ARPC4: variants seen among roughly 807,000 people sequenced by gnomAD.
ARPC4 encodes actin related protein 2/3 complex subunit 4, also known as actin-related protein 2/3 complex subunit 4.
A neutral mutation model predicts 22.8 loss-of-function variants in ARPC4; 3 were observed. That is an observed-to-expected ratio of 0.13 (90% CI 0.06 to 0.34). ARPC4 has a LOEUF of 0.34. ARPC4 is among the 10% of genes least tolerant of loss of function. ARPC4 has a pLI of 1.00. For missense variants in ARPC4, 98 were observed against 211.0 expected, an observed-to-expected ratio of 0.46 and a Z score of 3.32; for synonymous variants, 80 against 72.5, an observed-to-expected ratio of 1.10 and a Z score of -0.52.
intron 5 of ARPC4, among the ~76,000 whole-genome samples, chr3:9,804,372 C>T (rs1159471348): frequency 6.6e-6 from 1 of 152,156 alleles, no homozygotes; most frequent in Admixed American, 6.5e-5. Flanking sequence ...GAGTATAGGA[C>T]AATTAATCAT....
At chr3:9,792,959 G>A (rs1481886139), upstream of ARPC4, 13 of 1,410,112 alleles carry the variant, frequency 9.2e-6, no homozygotes, top group Middle Eastern at 6.3e-4. Context: ...GAAAACTTCC[G>A]GAAGGCCCAA....
chr3:9,801,242 T>C lies in ARPC4; in HGVS notation c.235-419T>C, dbSNP rs117524372. The stretch of plus-strand genomic sequence containing the variant: ...AAAAAAAAAAAAAAAAAAAAAGAAA[T>C]GTTGAGCATTCAGAAGGGAGAAACT... On this transcript the variant is annotated intron_variant, in intron 3 of 5. Transcript: ENST00000397261. 2.0e-3 allele frequency among the ~76,000 whole-genome samples: 165 copies of C among 80,926 alleles called. No homozygotes were observed. In the East Asian group the frequency reaches 0.037, roughly 18 times the overall value. The allele number at this position is 80,926 out of a possible 152,430, so 53.1% of individuals were successfully genotyped here. A position where few individuals can be genotyped will look rare whatever the true frequency, so the allele number is the denominator to read the frequency against.
chr3:9,796,730 A>T (rs554898716), intron 1 of ARPC4, among the ~76,000 whole-genome samples: 252 of 152,258 alleles, frequency 1.7e-3, no homozygotes, highest in African/African-American at 5.8e-3. Flanking sequence ...TTACAAGGTC[A>T]GGAGATTGAG....
rs894133943 is a variant in ARPC4 at position 9,806,978 on chromosome 3, T to C, written c.*763T>C. ...GCGAGGTGAGTCCTCCAGAGCTTCC[T>C]GGCCGGGCCCTCCTCCTGCCTGTTC... On this transcript the variant is annotated 3_prime_UTR_variant, in exon 6 of 6. Coordinates refer to ENST00000397261, the MANE Select transcript of ARPC4 (RefSeq NM_005718.5). 3.3e-5 allele frequency: 5 copies of C among 152,662 alleles called. No homozygotes were observed. The highest frequency in any genetic ancestry group is 1.2e-4 in the African/African-American group (5 of 41,482). 9.5% of individuals were successfully genotyped at this position (152,662 alleles called of 1,614,324 possible).
At position 9,797,662 on chromosome 3, in the gene ARPC4, G is replaced by A. The variant is rs779915246; in HGVS notation, c.7G>A (p.Ala3Thr). 8 of 1,613,550 alleles carry A rather than the reference G, an allele frequency of 5.0e-6. No individual in the cohort carries two copies. Among genetic ancestry groups the A allele is most frequent in the Non-Finnish European group, 5.9e-6 (7 of 1,179,636 alleles). Residue 3 changes from alanine (A) to threonine (T), a missense_variant, in exon 2 of 6, where the codon GCC (alanine) becomes ACC (threonine). Ala to Thr is a moderately conservative substitution (Grantham distance 58, BLOSUM62 0). Transcript: ENST00000397261. Reference sequence around the variant, plus strand: ...TCCTCTGTGTTATTTCCTATAGACTGCCACTCTCCGCCCCTACCTGAGTGC... The same window carrying A: ...TCCTCTGTGTTATTTCCTATAGACTACCACTCTCCGCCCCTACCTGAGTGC... MT[A>T]TLRPYLSAVR... is the part of the protein sequence containing the mutation.
chr3:9,800,573 C>T lies in ARPC4; in HGVS notation c.234+277C>T, dbSNP rs139315080. 1.6e-3 allele frequency among the ~76,000 whole-genome samples: 243 copies of T among 152,178 alleles called. 1 individual carries two copies. The highest frequency in any genetic ancestry group is 5.2e-3 in the African/African-American group (217 of 41,534). ...CCAAGTAGCTGGGATTACAGGCATC[C>T]GCCACCACGCCCAGTTAATTTTTGT... is the stretch of plus-strand genomic sequence containing the variant. On this transcript the variant is annotated intron_variant, in intron 3 of 5. Coordinates refer to ENST00000397261, the MANE Select transcript of ARPC4 (RefSeq NM_005718.5).
chr3:9,803,594 C>G, intron 4 of ARPC4: 2 of 640,722 alleles, frequency 3.1e-6, no homozygotes, highest in Non-Finnish European at 5.8e-6. Context: ...AGCTGTTGTG[C>G]CACAGATAGT....
intron 5 of ARPC4, among the ~76,000 whole-genome samples, chr3:9,805,356 G>A (rs1038700635): frequency 6.6e-6 from 1 of 152,228 alleles, no homozygotes. Context: ...CAGCCAGTAA[G>A]AGGAGGAACC....
intron 5 of ARPC4, 158 bp downstream of exon 5, chr3:9,804,171 A>T: frequency 1.4e-6 from 1 of 722,714 alleles, no homozygotes; most frequent in Non-Finnish European, 2.2e-6. Flanking sequence ...GGTGCTTTGG[A>T]GCTAGAGGAC....
upstream of ARPC4, chr3:9,792,588 T>C (rs970893627): frequency 3.4e-5 from 42 of 1,227,024 alleles, no homozygotes; most frequent in African/African-American, 5.4e-4. Flanking sequence ...CCGCTAGAGG[T>C]GGGGTGCGGG....
upstream of ARPC4, chr3:9,793,054 C>G (rs982114575): frequency 1.6e-4 from 249 of 1,544,356 alleles, no homozygotes; most frequent in Non-Finnish European, 2.0e-4. Context: ...GCGCTTCTCG[C>G]GAAAGGGCAG....
At chr3:9,796,753 A>G (rs1298179857) in intron 1 of ARPC4, among the ~76,000 whole-genome samples, 1 of 151,998 alleles carries the variant, frequency 6.6e-6, no homozygotes, top group East Asian at 1.9e-4. Flanking sequence ...CATCCTGGCT[A>G]ACACCGTGAA....
upstream of ARPC4, chr3:9,792,863 A>G: frequency 7.3e-7 from 1 of 1,376,042 alleles, no homozygotes; most frequent in South Asian, 1.7e-5. Context: ...GGCCGAAGGC[A>G]CAAAGGGAAG....
chr3:9,798,884 A>G (rs1290453352), intron 2 of ARPC4, among the ~76,000 whole-genome samples: 1 of 55,124 alleles, frequency 1.8e-5, no homozygotes, highest in Admixed American at 1.6e-4. Flanking sequence ...AAAATAAAAT[A>G]AAATAAAATA....
intron 5 of ARPC4, among the ~76,000 whole-genome samples, chr3:9,804,687 T>C (rs375696971): frequency 1.3e-5 from 2 of 152,310 alleles, no homozygotes; most frequent in African/African-American, 4.8e-5. Context: ...GTGGCTGTGA[T>C]CTCTAGACGG....
chr3:9,804,174 T>C, intron 5 of ARPC4, 161 bp downstream of exon 5: 3 of 688,238 alleles, frequency 4.4e-6, no homozygotes, highest in Non-Finnish European at 6.9e-6. Context: ...GCTTTGGAGC[T>C]AGAGGACCCC....
intron 1 of ARPC4, 28 bp downstream of exon 1, chr3:9,793,152 A>AC (rs751347831): frequency 6.5e-7 from 1 of 1,535,930 alleles, no homozygotes; most frequent in Non-Finnish European, 8.8e-7. Flanking sequence ...CCGGCCAGGG[A>AC]CCCCCGGCTG....
chr3:9,806,143 T>A, intron 5 of ARPC4, 67 bp from the exon 6 acceptor site: 3 of 1,574,286 alleles, frequency 1.9e-6, no homozygotes, highest in Non-Finnish European at 2.6e-6. Context: ...TTCATGCACC[T>A]CCTTAGAGCA....
At chr3:9,802,976 T>C (rs1230883546) in intron 4 of ARPC4, among the ~76,000 whole-genome samples, 1 of 150,968 alleles carries the variant, frequency 6.6e-6, no homozygotes, top group Non-Finnish European at 1.5e-5. Flanking sequence ...CTCCGCCTCC[T>C]GGGTTCACGC....
Sources: gnomAD v4.1 joint callset for allele counts (sites outside exome capture counted in the v4.1 genomes callset) on GRCh38, gnomAD v4.1.1 for gene constraint, MANE v1.5 for transcripts, NCBI Gene and HGNC (gene_info 2026-07-23, HGNC 2026-07-21) for gene names.